TPRA1: variants seen among roughly 807,000 people sequenced by gnomAD.
The protein encoded by TPRA1 is transmembrane protein adipocyte associated 1.
A neutral mutation model predicts 40.1 loss-of-function variants in TPRA1; 28 were observed. The ratio of observed to expected loss-of-function variants is 0.70; its 90% CI spans 0.52 to 0.96. The LOEUF (loss-of-function observed/expected upper bound fraction) is 0.96. TPRA1 is among the 40% of genes least tolerant of loss of function. The probability of loss-of-function intolerance (pLI) is 0.00; values close to 1 mark genes in which losing one functional copy is unlikely to be tolerated. For synonymous variants in TPRA1, 219 were observed against 209.7 expected (o/e 1.04, Z -0.38); for missense variants, 441 against 482.6 (o/e 0.91, Z 0.81).
At chr3:127,586,818 C>A (rs1351788157) in intron 1 of TPRA1, among the ~76,000 whole-genome samples, 1 of 152,200 alleles carries the variant, frequency 6.6e-6, no homozygotes, top group African/African-American at 2.4e-5. Flanking sequence ...GCTGAGAGGC[C>A]CCTTGAGGCA....
rs1227108050 is a variant in TPRA1 at position 127,572,592 on chromosome 3, A to C, written c.*929T>G. Among the ~76,000 whole-genome samples the C allele has an allele frequency of 6.6e-6, 1 of 152,204 alleles. No homozygotes were observed. Among genetic ancestry groups the C allele is most frequent in the Non-Finnish European group, 1.5e-5 (1 of 68,038 alleles). On this transcript the variant is annotated 3_prime_UTR_variant, in exon 11 of 11. Transcript: ENST00000355552. The stretch of plus-strand genomic sequence containing the variant: ...GTCTGCTGGGGGCCTACTATGTGCC[A>C]AGCACTATTCTTGAGGCTAAAAATA...
rs1390950723 is a variant in TPRA1 at position 127,579,775 on chromosome 3, T to TGATGC, written c.218_222dup (p.Thr75AlafsTer30). 1 of 1,613,960 alleles carries TGATGC rather than the reference T, an allele frequency of 6.2e-7. No homozygotes were observed. Among genetic ancestry groups the TGATGC allele is most frequent in the Non-Finnish European group, 8.5e-7 (1 of 1,179,994 alleles). On this transcript the variant is annotated frameshift_variant, in exon 3 of 11. Coordinates refer to ENST00000355552, the MANE Select transcript of TPRA1 (RefSeq NM_001136053.4). LOFTEE classifies it high-confidence loss of function. ...AAGGTGATAAAAATGGGGCTGGAGG[T>TGATGC]GATGCGGATCTTCGCCCGAGCAGAT...
intron 1 of TPRA1, among the ~76,000 whole-genome samples, chr3:127,585,929 T>A (rs565191933): frequency 2.6e-5 from 4 of 152,332 alleles, no homozygotes; most frequent in Admixed American, 2.6e-4. Context: ...ACTGTGGATT[T>A]TTTTGTGTGC....
intron 1 of TPRA1, among the ~76,000 whole-genome samples, chr3:127,580,804 G>A (rs2073808252): frequency 6.6e-6 from 1 of 152,238 alleles, no homozygotes; most frequent in East Asian, 1.9e-4. Flanking sequence ...AAAGATGGAG[G>A]GGACACTGAG....
Position 127,575,741 on chromosome 3 carries a change from C to T in TPRA1, c.670+8G>A. The stretch of plus-strand genomic sequence containing the variant: ...CGCCTGTCCCAGAGCCGCCGGCCAG[C>T]TGCTCACAAGGCAGGGAGATGCGCT... On this transcript the variant is annotated splice_region_variant and intron_variant, in intron 8 of 10. Transcript: ENST00000355552. 4.3e-6 allele frequency: 7 copies of T among 1,613,402 alleles called. No homozygotes were observed. The highest frequency in any genetic ancestry group is 5.9e-6 in the Non-Finnish European group (7 of 1,179,882).
intron 1 of TPRA1, among the ~76,000 whole-genome samples, chr3:127,581,118 G>A (rs1468827755): frequency 6.6e-6 from 1 of 152,196 alleles, no homozygotes; most frequent in African/African-American, 2.4e-5. Context: ...GCAGCAACAG[G>A]TACTTCCGCA....
At chr3:127,579,673 A>G in intron 3 of TPRA1, 67 bp downstream of exon 3, 2 of 1,547,826 alleles carry the variant, frequency 1.3e-6, no homozygotes, top group Non-Finnish European at 1.8e-6. Flanking sequence ...TCATTATAGA[A>G]GCAGTTAATT....
intron 1 of TPRA1, among the ~76,000 whole-genome samples, chr3:127,583,783 G>A (rs559193492): frequency 1.8e-4 from 27 of 151,722 alleles, no homozygotes; most frequent in Non-Finnish European, 3.1e-4. Context: ...CGATTCCCCT[G>A]CCTCAGCCTC....
upstream of TPRA1, among the ~76,000 whole-genome samples, chr3:127,592,759 C>A (rs565132408): frequency 8.2e-4 from 125 of 152,184 alleles, no homozygotes; most frequent in Non-Finnish European, 1.4e-3. Flanking sequence ...CAAGTGAGGA[C>A]GCGGCAAAGG....
upstream of TPRA1, among the ~76,000 whole-genome samples, chr3:127,593,932 A>T (rs1405402538): frequency 6.6e-6 from 1 of 152,180 alleles, no homozygotes; most frequent in Non-Finnish European, 1.5e-5. Context: ...GGCCAATGAT[A>T]CCTTTCCCAT....
At chr3:127,598,212 A>T, upstream of TPRA1, 2 of 582,250 alleles carry the variant, frequency 3.4e-6, no homozygotes, top group Non-Finnish European at 6.1e-6. Context: ...TCCAGCTCCC[A>T]CCACAGCGCA....
rs564854872 is a variant in TPRA1, at chr3:127,572,940, G to C, written c.*581C>G. 6.6e-6 allele frequency: 1 copy of C among 152,364 alleles called. No individual in the cohort carries two copies. The highest frequency in any genetic ancestry group is 6.5e-5 in the Admixed American group (1 of 15,306). The allele number at this position is 152,364 out of a possible 1,614,324, so 9.4% of individuals were successfully genotyped here. On this transcript the variant is annotated 3_prime_UTR_variant, in exon 11 of 11. Coordinates refer to ENST00000355552, the MANE Select transcript of TPRA1 (RefSeq NM_001136053.4). ...CTTCACCTCCCCAGCAGCCAGCCCA[G>C]GGCTTGGGCACTGGGGACTGCTCCT...
Position 127,579,774 on chromosome 3 carries a change from GT to G in TPRA1, c.223del (p.Thr75ProfsTer28). The G allele has an allele frequency of 6.2e-7, 1 of 1,614,200 alleles. No individual in the cohort carries two copies. The highest frequency in any genetic ancestry group is 8.5e-7 in the Non-Finnish European group (1 of 1,180,038). ...GAAGGTGATAAAAATGGGGCTGGAG[GT>G]GATGCGGATCTTCGCCCGAGCAGAT... ...LPSARAKIRI[T>X]SSPIFITFYI... On this transcript the variant is annotated frameshift_variant, in exon 3 of 11. Coordinates refer to ENST00000355552, the MANE Select transcript of TPRA1 (RefSeq NM_001136053.4). LOFTEE classifies it high-confidence loss of function.
In TPRA1 at chr3:127,573,067, C is replaced by T. The variant is rs1289468790; in HGVS notation, c.*454G>A. The T allele has an allele frequency of 6.5e-6, 1 of 153,234 alleles. No individual in the cohort carries two copies. Among genetic ancestry groups the T allele is most frequent in the Non-Finnish European group, 1.5e-5 (1 of 68,696 alleles). The allele number at this position is 153,234 out of a possible 1,614,324, so 9.5% of individuals were successfully genotyped here. The stretch of plus-strand genomic sequence containing the variant: ...TTCCTGCAAAACCTCCACATTAGCA[C>T]CTTCTGCTCCTTTTCCTTTTTATTA... On this transcript the variant is annotated 3_prime_UTR_variant, in exon 11 of 11. Transcript: ENST00000355552.
chr3:127,579,238 G>A (rs141215720), intron 3 of TPRA1, among the ~76,000 whole-genome samples: 18 of 152,316 alleles, frequency 1.2e-4, no homozygotes, highest in African/African-American at 4.3e-4. Context: ...GATGGGGGAC[G>A]AATGGATGGA....
upstream of TPRA1, among the ~76,000 whole-genome samples, chr3:127,592,252 A>T (rs1210383002): frequency 3.9e-5 from 6 of 152,086 alleles, no homozygotes. Context: ...AGGAAGTAGA[A>T]GTCATGGGAC....
intron 1 of TPRA1, among the ~76,000 whole-genome samples, chr3:127,597,649 G>T (rs1241916298): frequency 6.6e-6 from 1 of 152,170 alleles, no homozygotes; most frequent in African/African-American, 2.4e-5. Flanking sequence ...GCTCCCCTGG[G>T]CAAAGATAAC....
In TPRA1 at chr3:127,572,862, C is replaced by A. The variant is rs1015876175; in HGVS notation, c.*659G>T. Among the ~76,000 whole-genome samples the A allele has an allele frequency of 6.6e-6, 1 of 152,158 alleles. No homozygotes were observed. Among genetic ancestry groups the A allele is most frequent in the Non-Finnish European group, 1.5e-5 (1 of 68,036 alleles). ...CTCCTCTCTCTCCATGTCTGTCCCCCCTACTCAGATGGGCCCAGGGGCAGG... is the reference window on the plus strand; with the variant it reads ...CTCCTCTCTCTCCATGTCTGTCCCCACTACTCAGATGGGCCCAGGGGCAGG... On this transcript the variant is annotated 3_prime_UTR_variant, in exon 11 of 11. Coordinates refer to ENST00000355552, the MANE Select transcript of TPRA1 (RefSeq NM_001136053.4).
At position 127,579,763 on chromosome 3, in the gene TPRA1, TG is replaced by T; in HGVS notation, c.234del (p.Ile79PhefsTer24). 6.2e-7 allele frequency: 1 copy of T among 1,614,100 alleles called. No individual in the cohort carries two copies. The highest frequency in any genetic ancestry group is 8.5e-7 in the Non-Finnish European group (1 of 1,180,014). ...ARAKIRITSS[P>X]IFITFYILVF... ...ACCAGGATGTAGAAGGTGATAAAAA[TG>T]GGGCTGGAGGTGATGCGGATCTTCG... is the stretch of plus-strand genomic sequence containing the variant. On this transcript the variant is annotated frameshift_variant, in exon 3 of 11. Coordinates refer to ENST00000355552, the MANE Select transcript of TPRA1 (RefSeq NM_001136053.4). LOFTEE classifies it high-confidence loss of function.
Sources: gnomAD v4.1 joint callset for allele counts (sites outside exome capture counted in the v4.1 genomes callset) on GRCh38, gnomAD v4.1.1 for gene constraint, MANE v1.5 for transcripts, NCBI Gene and HGNC (gene_info 2026-07-23, HGNC 2026-07-21) for gene names.